The following COL27A1 variants were observed in gnomAD, a reference collection of about 807,000 sequenced individuals.
The protein encoded by COL27A1 is collagen alpha-1(XXVII) chain.
A neutral mutation model predicts 251.3 loss-of-function variants in COL27A1; 106 were observed. The ratio of observed to expected loss-of-function variants is 0.42; its 90% confidence interval spans 0.36 to 0.50. COL27A1 has a LOEUF of 0.50. Ranked by LOEUF, COL27A1 falls within the 20% of genes least tolerant of loss-of-function variation. The pLI is 0.00. For missense variants in COL27A1, 2,325 were observed against 2,522.8 expected, an observed-to-expected ratio of 0.92 and a Z score of 1.68; for synonymous variants, 1,000 against 986.3, an observed-to-expected ratio of 1.01 and a Z score of -0.26.
chr9:114,247,431 G>C (rs929187697), intron 24 of COL27A1, among the ~76,000 whole-genome samples: 1 of 152,210 alleles, frequency 6.6e-6, no homozygotes. Context: ...TTCCATTCAA[G>C]TTGATATACC....
At chr9:114,309,059 A>T (rs568517761) in intron 59 of COL27A1, among the ~76,000 whole-genome samples, 197 of 152,242 alleles carry the variant, frequency 1.3e-3, no homozygotes, top group African/African-American at 4.6e-3. Context: ...CTTCCCACTT[A>T]CGCAGCCAAG....
At chr9:114,235,833 T>G (rs1254993951) in intron 17 of COL27A1, among the ~76,000 whole-genome samples, 181 bp downstream of exon 17, 1 of 152,104 alleles carries the variant, frequency 6.6e-6, no homozygotes, top group Non-Finnish European at 1.5e-5. Flanking sequence ...GACTTTACAG[T>G]GTGACCTTTT....
Position 114,308,961 on chromosome 9 carries a change from G to A in COL27A1, c.5218-299G>A, listed in dbSNP as rs554161179. The stretch of plus-strand genomic sequence containing the variant: ...TCCCTCGCTGAGCTCCTGGATCCTA[G>A]CTCAGCCCAAAGACCCCCCATACAG... On this transcript the variant is annotated intron_variant, in intron 59 of 60. Coordinates refer to ENST00000356083, the MANE Select transcript of COL27A1 (RefSeq NM_032888.4). Among the ~76,000 whole-genome samples, 53 of 152,258 alleles carry A rather than the reference G, an allele frequency of 3.5e-4. 1 individual carries two copies. In the Middle Eastern group the frequency reaches 0.017, roughly 49 times the overall value.
chr9:114,215,200 G>A (rs745489), intron 12 of COL27A1, among the ~76,000 whole-genome samples: 18,768 of 152,306 alleles, frequency 0.12, 1,853 homozygotes, highest in East Asian at 0.59. Context: ...CCAAGGCCGC[G>A]CAGTCCTCTG....
intron 5 of COL27A1, among the ~76,000 whole-genome samples, chr9:114,189,030 A>G (rs1360998818): frequency 6.6e-6 from 1 of 152,182 alleles, no homozygotes; most frequent in Non-Finnish European, 1.5e-5. Context: ...TCACAAATAG[A>G]AATGTTATCC....
At chr9:114,270,679 G>A (rs1835080316) in intron 35 of COL27A1, 49 bp from the exon 36 acceptor site, 6 of 1,447,140 alleles carry the variant, frequency 4.1e-6, no homozygotes, top group Non-Finnish European at 5.8e-6. Flanking sequence ...GCACACCGGG[G>A]CCTCCTCCCC....
intron 7 of COL27A1, 63 bp from the exon 8 acceptor site, chr9:114,205,039 C>G: frequency 1.9e-6 from 3 of 1,548,896 alleles, no homozygotes; most frequent in African/African-American, 1.4e-5. Context: ...AGGCTGGGCC[C>G]TTGCGATCTC....
chr9:114,245,210 C>T (rs1385846223), intron 23 of COL27A1, among the ~76,000 whole-genome samples: 1 of 132,348 alleles, frequency 7.6e-6, no homozygotes, highest in East Asian at 2.2e-4. Flanking sequence ...GACTGGAGTA[C>T]AGTGGTGCAA....
At chr9:114,205,711 C>G (rs1829904798) in intron 8 of COL27A1, 48 bp from the exon 9 acceptor site, 2 of 1,562,138 alleles carry the variant, frequency 1.3e-6, no homozygotes, top group South Asian at 2.2e-5. Flanking sequence ...AGACCCAGAG[C>G]TGGGCAGGGT....
chr9:114,206,823 C>G (rs1829999218), intron 10 of COL27A1, among the ~76,000 whole-genome samples: 1 of 152,198 alleles, frequency 6.6e-6, no homozygotes, highest in Non-Finnish European at 1.5e-5. Context: ...CCTACCTCTA[C>G]AATGGTCATG....
At chr9:114,253,028 C>T (rs952095957) in intron 27 of COL27A1, 96 bp downstream of exon 27, 10 of 960,980 alleles carry the variant, frequency 1.0e-5, no homozygotes, top group East Asian at 4.8e-5. Flanking sequence ...CTCAGCACTT[C>T]GGGAGGCCGA....
intron 60 of COL27A1, among the ~76,000 whole-genome samples, 169 bp downstream of exon 60, chr9:114,309,647 C>T (rs529261219): frequency 6.6e-6 from 1 of 152,078 alleles, no homozygotes; most frequent in Non-Finnish European, 1.5e-5. Context: ...TTTCTAAAAT[C>T]GTTTTTACTC....
chr9:114,204,873 C>T (rs1416602175), intron 7 of COL27A1, among the ~76,000 whole-genome samples: 1 of 152,210 alleles, frequency 6.6e-6, no homozygotes, highest in Admixed American at 6.5e-5. Flanking sequence ...AATGACCCTC[C>T]TGATGTCCTC....
intron 7 of COL27A1, among the ~76,000 whole-genome samples, chr9:114,197,939 G>A (rs1166955535): frequency 6.6e-6 from 1 of 152,232 alleles, no homozygotes; most frequent in Non-Finnish European, 1.5e-5. Flanking sequence ...GATCAGAGAA[G>A]AGAACCACTG....
chr9:114,231,583 A>C (rs1021060721), intron 15 of COL27A1, among the ~76,000 whole-genome samples: 2 of 152,074 alleles, frequency 1.3e-5, no homozygotes, highest in Non-Finnish European at 2.9e-5. Context: ...TTCCCTCCCC[A>C]CCAGTTCCTT....
intron 1 of COL27A1, among the ~76,000 whole-genome samples, chr9:114,162,355 G>A (rs1848556762): frequency 1.3e-5 from 2 of 152,250 alleles, no homozygotes; most frequent in African/African-American, 4.8e-5. Context: ...GGGAGGGGCT[G>A]GCCCCTGGTT....
At chr9:114,266,483 G>T in intron 32 of COL27A1, 82 bp from the exon 33 acceptor site, 1 of 1,201,984 alleles carries the variant, frequency 8.3e-7, no homozygotes, top group Non-Finnish European at 1.2e-6. Context: ...CTGGGGGTCA[G>T]CTCCCTCATT....
chr9:114,171,606 G>A (rs1272780663), intron 3 of COL27A1, among the ~76,000 whole-genome samples: 1 of 152,056 alleles, frequency 6.6e-6, no homozygotes, highest in African/African-American at 2.4e-5. Context: ...TGGGACTACA[G>A]GCACGTGCCA....
chr9:114,287,811 C>T (rs556867076), intron 41 of COL27A1, among the ~76,000 whole-genome samples: 8 of 152,292 alleles, frequency 5.3e-5, no homozygotes, highest in African/African-American at 1.2e-4. Flanking sequence ...CAGCAAGGAT[C>T]GGAGACAGGG....
Sources: allele counts gnomAD v4.1 joint callset (sites outside exome capture counted in the v4.1 genomes callset), GRCh38; gene constraint gnomAD v4.1.1; transcripts MANE v1.5; gene names NCBI Gene and HGNC (gene_info 2026-07-23, HGNC 2026-07-21).